Variants in DSCAM observed in about 807,000 individuals in gnomAD.
DSCAM encodes cell adhesion molecule DSCAM.
A neutral mutation model predicts 217.7 loss-of-function variants in DSCAM; 47 were observed. The ratio of observed to expected loss-of-function variants is 0.22; its 90% confidence interval spans 0.17 to 0.28. The LOEUF (loss-of-function observed/expected upper bound fraction) is 0.28, where lower values mean the gene tolerates loss of function less well. Among genes scored for constraint, DSCAM ranks in the 10% least tolerant of loss-of-function variants. The pLI is 1.00. For missense variants in DSCAM, 2,080 were observed against 2,618.3 expected (o/e 0.79, Z 4.49); for synonymous variants, 1,056 against 1,015.3 (o/e 1.04, Z -0.76).
At chr21:40,537,961 G>C (rs1200873581) in intron 3 of DSCAM, among the ~76,000 whole-genome samples, 1 of 152,184 alleles carries the variant, frequency 6.6e-6, no homozygotes, top group Non-Finnish European at 1.5e-5. Flanking sequence ...CCCTGAAGTG[G>C]GACCCAGGTG....
At chr21:40,439,355 C>T (rs1474242971) in intron 3 of DSCAM, among the ~76,000 whole-genome samples, 3 of 152,196 alleles carry the variant, frequency 2.0e-5, no homozygotes, top group East Asian at 3.9e-4. Context: ...AGGCCTGGAT[C>T]CCACTGTTCA....
At chr21:40,078,578 G>T (rs1364280011) in intron 26 of DSCAM, 109 bp downstream of exon 26, 3 of 1,427,072 alleles carry the variant, frequency 2.1e-6, no homozygotes, top group Non-Finnish European at 2.8e-6. Flanking sequence ...TGGGCTCCGT[G>T]GGCACTGGTC....
chr21:40,829,788 A>G (rs185799678), intron 1 of DSCAM, among the ~76,000 whole-genome samples: 340 of 152,350 alleles, frequency 2.2e-3, no homozygotes, highest in Non-Finnish European at 3.9e-3. Context: ...GGGGATGACC[A>G]GGTGCTTAGT....
At chr21:40,579,436 C>G (rs2076885486) in intron 3 of DSCAM, among the ~76,000 whole-genome samples, 1 of 152,024 alleles carries the variant, frequency 6.6e-6, no homozygotes, top group Non-Finnish European at 1.5e-5. Flanking sequence ...ATGATAAATT[C>G]CAATGTCTCT....
At chr21:40,387,790 A>C (rs1449120427) in intron 3 of DSCAM, among the ~76,000 whole-genome samples, 1 of 152,218 alleles carries the variant, frequency 6.6e-6, no homozygotes, top group Admixed American at 6.5e-5. Context: ...AATTGAATTA[A>C]AAATAGGATA....
At position 40,139,340 on chromosome 21, in the gene DSCAM, A is replaced by G. The variant is rs543645435; in HGVS notation, c.3406+3218T>C. Among the ~76,000 whole-genome samples the G allele has an allele frequency of 3.9e-5, 6 of 152,142 alleles. No homozygotes were observed. In the South Asian group the frequency reaches 1.2e-3, roughly 32 times the overall value. ...TTTATACATTTTAGGGAGACGTGAG[A>G]CATCAATCAATATAGGTAAGAAGTA... On this transcript the variant is annotated intron_variant, in intron 18 of 32. Transcript: ENST00000400454.
chr21:40,045,486 C>A (rs955984712), intron 30 of DSCAM, among the ~76,000 whole-genome samples: 9 of 152,174 alleles, frequency 5.9e-5, no homozygotes, highest in Non-Finnish European at 1.3e-4. Flanking sequence ...GAGTTCTTAG[C>A]TCAACCCTTT....
At chr21:40,826,769 G>C (rs541409884) in intron 1 of DSCAM, among the ~76,000 whole-genome samples, 2 of 152,304 alleles carry the variant, frequency 1.3e-5, no homozygotes, top group East Asian at 3.9e-4. Flanking sequence ...TGGTTACAGG[G>C]AGGAAAATCC....
At position 40,133,660 on chromosome 21, in the gene DSCAM, A is replaced by C. The variant is rs543906736; in HGVS notation, c.3562+194T>G. ...AGAAGAAAAAATATAGAGGAAGAAG[A>C]AGCAATGGATTAGACACATCAAGCA... On this transcript the variant is annotated intron_variant, in intron 19 of 32. Transcript: ENST00000400454. Among the ~76,000 whole-genome samples, 17 of 152,300 alleles carry C rather than the reference A, an allele frequency of 1.1e-4. No individual in the cohort carries two copies. In the East Asian group the frequency reaches 2.3e-3, roughly 21 times the overall value.
chr21:40,494,131 G>C (rs2076098664), intron 3 of DSCAM, among the ~76,000 whole-genome samples: 1 of 151,912 alleles, frequency 6.6e-6, no homozygotes, highest in Admixed American at 6.6e-5. Context: ...GAGGAAGAAA[G>C]AAACAAAGGA....
chr21:40,237,011 A>C (rs2073089251), intron 11 of DSCAM, among the ~76,000 whole-genome samples: 1 of 152,172 alleles, frequency 6.6e-6, no homozygotes, highest in South Asian at 2.1e-4. Context: ...CTAGCTCTTC[A>C]ACAATTCTGT....
At chr21:40,065,050 G>T (rs143435101) in intron 27 of DSCAM, among the ~76,000 whole-genome samples, 2 of 151,952 alleles carry the variant, frequency 1.3e-5, no homozygotes, top group Admixed American at 6.5e-5. Context: ...GGGTTATGTG[G>T]GTAACATTAT....
chr21:40,121,681 C>CTTTTTTTTTTTTTTTTT lies in DSCAM; in HGVS notation c.3696+2497_3696+2513dup, dbSNP rs201672838. Among the ~76,000 whole-genome samples, 232 of 73,730 alleles carry CTTTTTTTTTTTTTTTTT rather than the reference C, an allele frequency of 3.1e-3. 33 individuals are homozygous for CTTTTTTTTTTTTTTTTT. The highest frequency in any genetic ancestry group is 5.0e-3 in the Non-Finnish European group (192 of 38,414). The allele number at this position is 73,730 out of a possible 152,430, so 48.4% of individuals were successfully genotyped here. ...CTGGTGGGTTTGCTCTCATTACTGT[C>CTTTTTTTTTTTTTTTTT]TTTTTTTTTTTTTTTTTTTTTTTTT... On this transcript the variant is annotated intron_variant, in intron 20 of 32. Coordinates refer to ENST00000400454, the MANE Select transcript of DSCAM (RefSeq NM_001389.5).
At chr21:40,226,716 G>A (rs1326653412) in intron 11 of DSCAM, among the ~76,000 whole-genome samples, 2 of 152,094 alleles carry the variant, frequency 1.3e-5, no homozygotes, top group East Asian at 1.9e-4. Flanking sequence ...TGCCATTTAT[G>A]TTGTTTATAC....
intron 32 of DSCAM, among the ~76,000 whole-genome samples, chr21:40,030,987 C>T (rs2146447863): frequency 6.6e-6 from 1 of 152,308 alleles, no homozygotes; most frequent in African/African-American, 2.4e-5. Flanking sequence ...TACCTCTGAC[C>T]TTGTCCGGTG....
intron 10 of DSCAM, among the ~76,000 whole-genome samples, chr21:40,295,113 G>A (rs762757784): frequency 2.0e-5 from 3 of 151,800 alleles, no homozygotes; most frequent in Non-Finnish European, 4.4e-5. Context: ...GAGTATAAAT[G>A]ATGATTAAGT....
intron 23 of DSCAM, 129 bp from the exon 24 acceptor site, chr21:40,084,135 C>CA: frequency 3.1e-6 from 2 of 637,988 alleles, no homozygotes; most frequent in Non-Finnish European, 5.4e-6. Flanking sequence ...CCAAAATATA[C>CA]AATTCACTTC....
Position 40,494,529 on chromosome 21 carries a change from G to A in DSCAM, c.509-125284C>T, listed in dbSNP as rs139210256. Among the ~76,000 whole-genome samples, 1,431 of 152,138 alleles carry A rather than the reference G, an allele frequency of 9.4e-3. 24 individuals carry two copies. The highest frequency in any genetic ancestry group is 0.031 in the African/African-American group (1,289 of 41,520). ...AAGAAATTAATAGGTCATTTTTTAC[G>A]TCTAAATTTTAAGTACTAAAATATC... is the stretch of plus-strand genomic sequence containing the variant. On this transcript the variant is annotated intron_variant, in intron 3 of 32. Transcript: ENST00000400454.
rs751473200 is a variant in DSCAM, at chr21:40,339,357, C to T, written c.1269G>A (p.Pro423=). The change falls in exon 7 of 33, where the codon CCG becomes CCA. Residue 423 remains proline, a synonymous_variant. Coordinates refer to ENST00000400454, the MANE Select transcript of DSCAM (RefSeq NM_001389.5). The part of the protein sequence containing the change: ...FSEKVVSPAE[P]VSLMCNVKGT... ...CCTTCACGTTGCACATAAGGGAAACCGGCTCTGCTGGACTCACCACCTTTT... is the reference window on the plus strand; with the variant it reads ...CCTTCACGTTGCACATAAGGGAAACTGGCTCTGCTGGACTCACCACCTTTT... 23 of 1,613,714 alleles carry T rather than the reference C, an allele frequency of 1.4e-5. No individual in the cohort carries two copies. The highest frequency in any genetic ancestry group is 2.2e-5 in the South Asian group (2 of 90,998).
Sources: gnomAD v4.1 joint callset for allele counts (sites outside exome capture counted in the v4.1 genomes callset) on GRCh38, gnomAD v4.1.1 for gene constraint, MANE v1.5 for transcripts, NCBI Gene and HGNC (gene_info 2026-07-23, HGNC 2026-07-21) for gene names.